Variants in SLC41A2 observed in about 807,000 individuals in gnomAD.
The protein encoded by SLC41A2 is SLC41A1-like 1.
In SLC41A2, 32 loss-of-function variants were observed where a neutral mutation model predicts 58.3. That is an observed-to-expected ratio of 0.55 (90% CI 0.41 to 0.74). The LOEUF (loss-of-function observed/expected upper bound fraction) is 0.74, where lower values mean the gene tolerates loss of function less well. SLC41A2 is among the 30% of genes least tolerant of loss of function. The probability of loss-of-function intolerance (pLI) is 0.00; values close to 1 mark genes in which losing one functional copy is unlikely to be tolerated. For synonymous variants in SLC41A2, 190 were observed against 235.0 expected (o/e 0.81, Z 1.75); for missense variants, 514 against 680.6 (o/e 0.76, Z 2.72).
chr12:104,922,614 G>A (rs2046650959), intron 2 of SLC41A2, among the ~76,000 whole-genome samples: 2 of 152,118 alleles, frequency 1.3e-5, no homozygotes. Flanking sequence ...ATAATGAACA[G>A]ATCAGTCAGA....
intron 1 of SLC41A2, among the ~76,000 whole-genome samples, chr12:104,940,139 G>A (rs1183000511): frequency 2.0e-5 from 3 of 151,464 alleles, no homozygotes; most frequent in Non-Finnish European, 4.4e-5. Context: ...TCAGCCTCCC[G>A]AGTAGCTGGG....
rs573935624 is a variant in SLC41A2 at position 104,866,517 on chromosome 12, T to C, written c.1090A>G (p.Ile364Val). ...GCTGGATGTTTGGCAGCTATTATAA[T>C]CCAAATAGGGGTTAGAGCCAAGAAA... Reference protein sequence around the residue: ...VFFLALTPIWIIIAAKHPATR... With the variant: ...VFFLALTPIWVIIAAKHPATR... The change falls in exon 7 of 11, where the codon ATT (isoleucine) becomes GTT (valine). Residue 364 changes from isoleucine (I) to valine (V), a missense_variant. By Grantham distance (29) the Ile-to-Val change is conservative. Coordinates refer to ENST00000258538, the MANE Select transcript of SLC41A2 (RefSeq NM_001352171.3). 13 of 1,607,456 alleles carry C rather than the reference T, an allele frequency of 8.1e-6. No homozygotes were observed. The highest frequency in any genetic ancestry group is 2.7e-5 in the African/African-American group (2 of 72,894).
chr12:104,851,433 G>C (rs2042794412), intron 8 of SLC41A2, among the ~76,000 whole-genome samples: 1 of 151,878 alleles, frequency 6.6e-6, no homozygotes, highest in Admixed American at 6.6e-5. Context: ...TCACAGGCTG[G>C]AGTGCAGTTG....
intron 3 of SLC41A2, 151 bp from the exon 4 acceptor site, chr12:104,895,496 T>C: frequency 3.2e-6 from 2 of 633,478 alleles, no homozygotes; most frequent in Non-Finnish European, 5.4e-6. Flanking sequence ...CTGAATTCAC[T>C]ACCAGTCTTT....
intron 10 of SLC41A2, among the ~76,000 whole-genome samples, chr12:104,820,709 T>C (rs1463988192): frequency 6.6e-6 from 1 of 152,224 alleles, no homozygotes; most frequent in Non-Finnish European, 1.5e-5. Context: ...TGGTGCGATC[T>C]TGGCCCACTG....
intron 2 of SLC41A2, among the ~76,000 whole-genome samples, chr12:104,924,393 C>T (rs892493487): frequency 3.9e-5 from 6 of 152,168 alleles, no homozygotes; most frequent in Admixed American, 3.9e-4. Flanking sequence ...TATCCTAAGA[C>T]CTGGAAATTC....
At chr12:104,908,893 GA>G (rs1429526851) in intron 3 of SLC41A2, among the ~76,000 whole-genome samples, 1 of 152,076 alleles carries the variant, frequency 6.6e-6, no homozygotes, top group African/African-American at 2.4e-5. Flanking sequence ...AATAAGAATG[GA>G]AAAATGTATG....
chr12:104,911,236 C>CA (rs1307319570), intron 2 of SLC41A2, among the ~76,000 whole-genome samples: 1 of 152,088 alleles, frequency 6.6e-6, no homozygotes, highest in Non-Finnish European at 1.5e-5. Flanking sequence ...TTCTGTCCCC[C>CA]AAAAAATGTA....
At chr12:104,905,547 G>A (rs1716650068) in intron 3 of SLC41A2, among the ~76,000 whole-genome samples, 1 of 152,260 alleles carries the variant, frequency 6.6e-6, no homozygotes, top group Non-Finnish European at 1.5e-5. Context: ...ATGGGACTGG[G>A]CGCCGTGGAG....
At chr12:104,872,221 C>T (rs1400628390) in intron 6 of SLC41A2, among the ~76,000 whole-genome samples, 1 of 152,128 alleles carries the variant, frequency 6.6e-6, no homozygotes, top group African/African-American at 2.4e-5. Context: ...CCAACTGACT[C>T]CGCGAGGCCT....
At chr12:104,936,398 ATG>A (rs1419615728) in intron 1 of SLC41A2, among the ~76,000 whole-genome samples, 1 of 152,150 alleles carries the variant, frequency 6.6e-6, no homozygotes. Flanking sequence ...GCCTATGCTA[ATG>A]TGTGTGTGTA....
At chr12:104,925,319 G>C (rs751245738) in intron 2 of SLC41A2, among the ~76,000 whole-genome samples, 2 of 152,332 alleles carry the variant, frequency 1.3e-5, no homozygotes, top group Non-Finnish European at 2.9e-5. Context: ...AGCACTTTGG[G>C]AGGCCGAGAC....
intron 9 of SLC41A2, 109 bp from the exon 10 acceptor site, chr12:104,844,729 A>C (rs540736610): frequency 2.2e-6 from 1 of 458,516 alleles, no homozygotes; most frequent in South Asian, 8.0e-5. Context: ...ACTTCATACT[A>C]TCACATGAAA....
intron 1 of SLC41A2, among the ~76,000 whole-genome samples, chr12:104,933,580 G>C (rs538826022): frequency 0.031 from 4,625 of 150,426 alleles, 136 homozygotes; most frequent in East Asian, 0.15. Flanking sequence ...ACTTGCACGC[G>C]TATGTTTATC....
chr12:104,840,350 A>G (rs1167922834), intron 10 of SLC41A2, among the ~76,000 whole-genome samples: 1 of 152,232 alleles, frequency 6.6e-6, no homozygotes, highest in African/African-American at 2.4e-5. Flanking sequence ...CTTCTATGAA[A>G]TCAAAGCTGT....
intron 1 of SLC41A2, among the ~76,000 whole-genome samples, chr12:104,929,542 C>T (rs2046977987): frequency 1.3e-5 from 2 of 152,224 alleles, no homozygotes; most frequent in South Asian, 4.1e-4. Context: ...TCTTTGAAGA[C>T]TTTGAACTAA....
chr12:104,814,603 GA>G lies in SLC41A2; in HGVS notation c.1537-9267del, dbSNP rs371679345. Among the ~76,000 whole-genome samples the G allele has an allele frequency of 8.7e-4, 128 of 147,822 alleles. 1 individual carries two copies. The highest frequency in any genetic ancestry group is 3.0e-3 in the African/African-American group (120 of 40,278). On this transcript the variant is annotated intron_variant, in intron 10 of 10. Transcript: ENST00000258538. Reference sequence around the variant, plus strand: ...TGAATAACTGTTACTGTCTACAAGTGAAAAAAAAAACTCTCCAAGTCTTAGT... The same window carrying G: ...TGAATAACTGTTACTGTCTACAAGTGAAAAAAAAACTCTCCAAGTCTTAGT...
At chr12:104,858,613 A>T (rs145441019) in intron 8 of SLC41A2, among the ~76,000 whole-genome samples, 9 of 152,306 alleles carry the variant, frequency 5.9e-5, no homozygotes, top group African/African-American at 2.2e-4. Flanking sequence ...AGAGTAAACC[A>T]TCTCTATTAA....
intron 6 of SLC41A2, among the ~76,000 whole-genome samples, chr12:104,878,463 T>A (rs1472669853): frequency 2.7e-5 from 4 of 148,638 alleles, no homozygotes; most frequent in Non-Finnish European, 6.0e-5. Flanking sequence ...CCCTCCCCCG[T>A]CCCCCCACCC....
Sources: allele counts gnomAD v4.1 joint callset (sites outside exome capture counted in the v4.1 genomes callset), GRCh38; gene constraint gnomAD v4.1.1; transcripts MANE v1.5; gene names NCBI Gene and HGNC (gene_info 2026-07-23, HGNC 2026-07-21).